The following ALK variants were observed in gnomAD, a reference collection of about 807,000 sequenced individuals.
ALK encodes ALK tyrosine kinase receptor.
In ALK, 74 loss-of-function variants were observed where a neutral mutation model predicts 163.1. That is an observed-to-expected ratio of 0.45 (90% CI 0.38 to 0.55). The LOEUF (loss-of-function observed/expected upper bound fraction) is 0.55, where lower values mean the gene tolerates loss of function less well. ALK is among the 20% of genes least tolerant of loss of function. The pLI is 0.00. For synonymous variants in ALK, 960 were observed against 843.2 expected, an observed-to-expected ratio of 1.14 and a Z score of -2.40; for missense variants, 2,063 against 2,105.3, an observed-to-expected ratio of 0.98 and a Z score of 0.39.
intron 3 of ALK, among the ~76,000 whole-genome samples, chr2:29,654,158 G>T (rs967144679): frequency 1.3e-5 from 2 of 152,150 alleles, no homozygotes; most frequent in Admixed American, 6.6e-5. Context: ...GAGATAGGAT[G>T]GGATTTAGTA....
chr2:29,643,919 A>G (rs1251489802), intron 3 of ALK, among the ~76,000 whole-genome samples: 5 of 152,186 alleles, frequency 3.3e-5, no homozygotes, highest in Non-Finnish European at 5.9e-5. Context: ...AGGGATTACA[A>G]AACATGCTGC....
chr2:29,534,809 C>T (rs922749435), intron 3 of ALK, among the ~76,000 whole-genome samples: 30 of 152,046 alleles, frequency 2.0e-4, no homozygotes, highest in African/African-American at 4.8e-4. Flanking sequence ...ATTCTGTCCC[C>T]GAAATTTGGC....
chr2:29,689,937 C>T (rs116972175), intron 3 of ALK, among the ~76,000 whole-genome samples: 146 of 152,244 alleles, frequency 9.6e-4, no homozygotes, highest in East Asian at 7.0e-3. Context: ...TGGAGTGGGG[C>T]ATGGAAAGGA....
chr2:29,511,635 C>T (rs1034960954), intron 4 of ALK, among the ~76,000 whole-genome samples: 3 of 152,110 alleles, frequency 2.0e-5, no homozygotes, highest in Non-Finnish European at 2.9e-5. Context: ...ACGTTTTCAT[C>T]CTCTTGAGTA....
Position 29,274,831 on chromosome 2 carries a change from G to T in ALK, c.2041+268C>A, listed in dbSNP as rs1348317977. 6.6e-5 allele frequency among the ~76,000 whole-genome samples: 10 copies of T among 152,322 alleles called. No individual in the cohort carries two copies. In the East Asian group the frequency reaches 1.9e-3, roughly 29 times the overall value. Reference sequence around the variant, plus strand: ...GAGTTGGGGAAAAAAATGCCAGCTTGGTTCTCTCCTTTGGGTGGGGCCTAG... The same window carrying T: ...GAGTTGGGGAAAAAAATGCCAGCTTTGTTCTCTCCTTTGGGTGGGGCCTAG... On this transcript the variant is annotated intron_variant, in intron 11 of 28. Transcript: ENST00000389048.
chr2:29,752,288 C>G (rs1680387496), intron 1 of ALK, among the ~76,000 whole-genome samples: 1 of 151,292 alleles, frequency 6.6e-6, no homozygotes, highest in South Asian at 2.1e-4. Context: ...CTAGGCTAGG[C>G]TATGATGTTT....
At chr2:29,679,523 A>G (rs1347388604) in intron 3 of ALK, among the ~76,000 whole-genome samples, 1 of 151,666 alleles carries the variant, frequency 6.6e-6, no homozygotes, top group African/African-American at 2.4e-5. Context: ...AAAAATTACA[A>G]CATGCATCTT....
At chr2:29,492,309 T>C (rs867304555) in intron 4 of ALK, among the ~76,000 whole-genome samples, 1 of 152,188 alleles carries the variant, frequency 6.6e-6, no homozygotes, top group African/African-American at 2.4e-5. Flanking sequence ...AAGTGTGTAT[T>C]TGAGTGTGTT....
chr2:29,783,465 C>T (rs768816324), intron 1 of ALK, among the ~76,000 whole-genome samples: 29 of 152,124 alleles, frequency 1.9e-4, no homozygotes, highest in Admixed American at 5.2e-4. Context: ...CTAACAAAAG[C>T]CCATTTATTA....
chr2:29,229,114 A>G (rs1664112333), intron 15 of ALK, 48 bp from the exon 16 acceptor site: 3 of 1,572,796 alleles, frequency 1.9e-6, no homozygotes, highest in East Asian at 2.2e-5. Context: ...GCAAGGTTCA[A>G]TTAGCCATGC....
In ALK at chr2:29,559,750, G is replaced by T. The variant is rs1210855304; in HGVS notation, c.953-27634C>A. 3.4e-5 allele frequency among the ~76,000 whole-genome samples: 4 copies of T among 116,556 alleles called. No individual in the cohort carries two copies. The East Asian group carries it at 8.2e-4, about 24-fold the overall frequency. The allele number at this position is 116,556 out of a possible 152,430, so 76.5% of individuals were successfully genotyped here. ...GTGCCTGTGTTCATGATGTGTGTGG[G>T]TCACAGGGGAGCATGTACGTGTGTG... On this transcript the variant is annotated intron_variant, in intron 3 of 28. Transcript: ENST00000389048.
chr2:29,362,128 T>C (rs920384157), intron 5 of ALK, among the ~76,000 whole-genome samples: 7 of 151,782 alleles, frequency 4.6e-5, no homozygotes, highest in Non-Finnish European at 7.4e-5. Flanking sequence ...CCGGAATGGA[T>C]TGATGGGTGG....
intron 26 of ALK, among the ~76,000 whole-genome samples, chr2:29,202,754 G>A (rs11127205): frequency 0.28 from 42,404 of 152,126 alleles, 7,125 homozygotes; most frequent in East Asian, 0.73. Context: ...TTTCCATGAT[G>A]TAAGTAAACC....
intron 1 of ALK, among the ~76,000 whole-genome samples, chr2:29,918,136 C>G (rs575161139): frequency 6.6e-6 from 1 of 152,208 alleles, no homozygotes; most frequent in Non-Finnish European, 1.5e-5. Flanking sequence ...GAGACACCCA[C>G]TGATAGCTTC....
chr2:29,761,533 G>A (rs561994629), intron 1 of ALK, among the ~76,000 whole-genome samples: 2 of 152,336 alleles, frequency 1.3e-5, no homozygotes, highest in East Asian at 3.9e-4. Flanking sequence ...TCCTTTAAAA[G>A]CACAAAGGAA....
chr2:29,694,012 T>C (rs746431269), intron 3 of ALK, among the ~76,000 whole-genome samples: 1 of 152,216 alleles, frequency 6.6e-6, no homozygotes, highest in Non-Finnish European at 1.5e-5. Context: ...CCACTTCAGT[T>C]ATTCCTTCTT....
At chr2:29,655,831 G>A (rs1381839732) in intron 3 of ALK, among the ~76,000 whole-genome samples, 1 of 152,214 alleles carries the variant, frequency 6.6e-6, no homozygotes, top group Non-Finnish European at 1.5e-5. Context: ...TAAGCAACTT[G>A]GAACGAATCC....
chr2:29,617,361 T>G (rs1675874864), intron 3 of ALK, among the ~76,000 whole-genome samples: 3 of 152,164 alleles, frequency 2.0e-5, no homozygotes, highest in Non-Finnish European at 4.4e-5. Context: ...TGCATGACGA[T>G]CAGAGGACCC....
intron 1 of ALK, among the ~76,000 whole-genome samples, chr2:29,790,337 T>C (rs1289276183): frequency 6.6e-6 from 1 of 152,142 alleles, no homozygotes; most frequent in Non-Finnish European, 1.5e-5. Flanking sequence ...AAGAGCCATG[T>C]CTATGCAATC....
Sources: allele counts gnomAD v4.1 joint callset (sites outside exome capture counted in the v4.1 genomes callset), GRCh38; gene constraint gnomAD v4.1.1; transcripts MANE v1.5; gene names NCBI Gene and HGNC (gene_info 2026-07-23, HGNC 2026-07-21).